Variants in GRK3 observed in about 807,000 individuals in gnomAD.
GRK3 encodes adrenergic, beta, receptor kinase 2.
A neutral mutation model predicts 95.7 loss-of-function variants in GRK3; 54 were observed. The observed-to-expected ratio is 0.56, with a 90% confidence interval of 0.45 to 0.71. The LOEUF (loss-of-function observed/expected upper bound fraction) is 0.71, where lower values mean the gene tolerates loss of function less well. Among genes scored for constraint, GRK3 ranks in the 30% least tolerant of loss-of-function variants. The probability of loss-of-function intolerance (pLI) is 0.00; values close to 1 mark genes in which losing one functional copy is unlikely to be tolerated. For synonymous variants in GRK3, 281 were observed against 290.8 expected (o/e 0.97, Z 0.34); for missense variants, 649 against 851.2 (o/e 0.76, Z 2.96).
intron 15 of GRK3, among the ~76,000 whole-genome samples, chr22:25,706,494 C>T (rs747499827): frequency 3.2e-4 from 48 of 152,266 alleles, no homozygotes; most frequent in East Asian, 7.7e-4. Flanking sequence ...CTCTCTCTCT[C>T]GTGGTGGATT....
intron 1 of GRK3, among the ~76,000 whole-genome samples, chr22:25,577,348 T>C (rs1200736883): frequency 6.6e-6 from 1 of 152,116 alleles, no homozygotes; most frequent in Non-Finnish European, 1.5e-5. Flanking sequence ...AATATTTTTC[T>C]ACTTTTTGTA....
In GRK3 at chr22:25,661,616, T is replaced by G. The variant is rs1441301192; in HGVS notation, c.305T>G (p.Leu102Arg). The G allele has an allele frequency of 4.3e-6, 7 of 1,613,348 alleles. No individual in the cohort carries two copies. Among genetic ancestry groups the G allele is most frequent in the Non-Finnish European group, 5.9e-6 (7 of 1,179,656 alleles). ...AAACTTGATAATGAGGAAGACCGCC[T>G]TTGCAGAAGTCGACAAATTTATGAT... ...YEKLDNEEDR[L>R]CRSRQIYDAY... is the part of the protein sequence containing the mutation. Residue 102 changes from leucine (L) to arginine (R), a missense_variant, in exon 4 of 21, where the codon CTT becomes CGT. Around this residue, in one of 3 missense-constraint regions of GRK3, gnomAD observed 206 missense variants for 231.4 expected, o/e 0.89. Transcript: ENST00000324198.
At chr22:25,576,260 T>TG (rs1174293654) in intron 1 of GRK3, among the ~76,000 whole-genome samples, 1 of 152,290 alleles carries the variant, frequency 6.6e-6, no homozygotes, top group African/African-American at 2.4e-5. Flanking sequence ...CACAGTCGGA[T>TG]GAGTCAGATG....
intron 14 of GRK3, 32 bp from the exon 15 acceptor site, chr22:25,704,077 G>A (rs1164799572): frequency 6.5e-7 from 1 of 1,547,894 alleles, no homozygotes; most frequent in Non-Finnish European, 8.9e-7. Context: ...TTCATGAACG[G>A]ATTTTTGAAA....
intron 2 of GRK3, among the ~76,000 whole-genome samples, chr22:25,625,567 C>T (rs961108310): frequency 2.0e-5 from 3 of 152,136 alleles, no homozygotes; most frequent in Admixed American, 6.5e-5. Flanking sequence ...GTCTCCCTTC[C>T]CCCGGGGAAG....
At chr22:25,716,806 G>T (rs554656428) in intron 18 of GRK3, among the ~76,000 whole-genome samples, 1 of 152,220 alleles carries the variant, frequency 6.6e-6, no homozygotes, top group African/African-American at 2.4e-5. Context: ...GTTAGGAACC[G>T]GGCTGCACAG....
intron 1 of GRK3, among the ~76,000 whole-genome samples, chr22:25,602,878 A>G (rs1174454997): frequency 1.3e-5 from 2 of 152,212 alleles, no homozygotes. Context: ...TAGTAGTTAC[A>G]TAGGTGTATA....
chr22:25,695,119 G>T lies in GRK3; in HGVS notation c.1065G>T (p.Gly355=). 6.2e-7 allele frequency: 1 copy of T among 1,613,794 alleles called. No individual in the cohort carries two copies. Among genetic ancestry groups the T allele is most frequent in the Non-Finnish European group, 8.5e-7 (1 of 1,179,760 alleles). ...TTCTTCTCCCTAGTGGCACCCATGG[G>T]TACATGGCTCCCGAGGTGCTGCAGA... The part of the protein sequence containing the change: ...KKPHASVGTH[G]YMAPEVLQKG... The change falls in exon 13 of 21, where the codon GGG becomes GGT. Residue 355 remains glycine, a synonymous_variant. Coordinates refer to ENST00000324198, the MANE Select transcript of GRK3 (RefSeq NM_005160.4).
At chr22:25,638,168 T>C (rs2084716858) in intron 2 of GRK3, among the ~76,000 whole-genome samples, 2 of 152,194 alleles carry the variant, frequency 1.3e-5, no homozygotes, top group African/African-American at 4.8e-5. Flanking sequence ...ACAACTAGTC[T>C]GCGTACAATG....
chr22:25,605,889 T>C (rs371048580), intron 2 of GRK3, among the ~76,000 whole-genome samples: 2 of 152,316 alleles, frequency 1.3e-5, no homozygotes, highest in South Asian at 4.2e-4. Context: ...TTCTGGTGGT[T>C]GTATGGATCA....
intron 15 of GRK3, among the ~76,000 whole-genome samples, chr22:25,708,119 G>A (rs1377241113): frequency 3.3e-5 from 5 of 152,006 alleles, no homozygotes; most frequent in Admixed American, 2.0e-4. Flanking sequence ...GTGGTGGCAC[G>A]CACCTGTATT....
intron 4 of GRK3, 44 bp from the exon 5 acceptor site, chr22:25,663,586 G>A: frequency 7.7e-7 from 1 of 1,291,818 alleles, no homozygotes; most frequent in East Asian, 2.4e-5. Flanking sequence ...TACACAGATT[G>A]GTTACATTTT....
At position 25,615,303 on chromosome 22, in the gene GRK3, C is replaced by A. The variant is rs375086870; in HGVS notation, c.190+10850C>A. 3.4e-4 allele frequency among the ~76,000 whole-genome samples: 52 copies of A among 152,168 alleles called. No individual in the cohort carries two copies. In the South Asian group the frequency reaches 9.6e-3, roughly 28 times the overall value. The stretch of plus-strand genomic sequence containing the variant: ...AATGCCAAGGACCTATGAAACAGCA[C>A]CTCTGCTGGAAAAGTTCTCTGTAAA... On this transcript the variant is annotated intron_variant, in intron 2 of 20. Coordinates refer to ENST00000324198, the MANE Select transcript of GRK3 (RefSeq NM_005160.4).
intron 1 of GRK3, among the ~76,000 whole-genome samples, chr22:25,577,563 A>G (rs890460172): frequency 6.6e-6 from 1 of 152,212 alleles, no homozygotes; most frequent in African/African-American, 2.4e-5. Context: ...TTGCATATCT[A>G]ACCCCTACCC....
Position 25,672,357 on chromosome 22 carries a change from A to G in GRK3, c.555+10A>G, listed in dbSNP as rs2084990124. 2.1e-6 allele frequency: 3 copies of G among 1,410,314 alleles called. No homozygotes were observed. The highest frequency in any genetic ancestry group is 3.9e-5 in the Admixed American group (2 of 51,770). The allele number at this position is 1,410,314 out of a possible 1,614,324, so 87.4% of individuals were successfully genotyped here. On this transcript the variant is annotated intron_variant, in intron 7 of 20. Transcript: ENST00000324198. ...TGAATTAAATATCCATGTGAGTATCATCTTTTTCTTTTTTCATTTTTTAAA... is the reference window on the plus strand; with the variant it reads ...TGAATTAAATATCCATGTGAGTATCGTCTTTTTCTTTTTTCATTTTTTAAA...
intron 1 of GRK3, among the ~76,000 whole-genome samples, chr22:25,574,338 T>C (rs1336431725): frequency 6.6e-6 from 1 of 151,930 alleles, no homozygotes; most frequent in African/African-American, 2.4e-5. Context: ...TACAGAAAAT[T>C]AGCCAGACAT....
intron 1 of GRK3, among the ~76,000 whole-genome samples, chr22:25,601,730 A>C (rs1402527736): frequency 2.6e-5 from 4 of 152,220 alleles, no homozygotes; most frequent in Non-Finnish European, 4.4e-5. Context: ...GAGAAAAAGA[A>C]AGAAGGAAGT....
chr22:25,650,924 T>G lies in GRK3; in HGVS notation c.264+6259T>G, dbSNP rs1470518378. On this transcript the variant is annotated intron_variant, in intron 3 of 20. Transcript: ENST00000324198. Reference sequence around the variant, plus strand: ...AGTCTACTTAATGGTGGTCATTTTTTCCCCTTTAGAATATATTAAATAGTT... The same window carrying G: ...AGTCTACTTAATGGTGGTCATTTTTGCCCCTTTAGAATATATTAAATAGTT... Among the ~76,000 whole-genome samples, 3 of 152,198 alleles carry G rather than the reference T, an allele frequency of 2.0e-5. No individual in the cohort carries two copies. In the East Asian group the frequency reaches 5.8e-4, roughly 29 times the overall value.
At chr22:25,600,481 C>T (rs1286411810) in intron 1 of GRK3, among the ~76,000 whole-genome samples, 11 of 151,926 alleles carry the variant, frequency 7.2e-5, no homozygotes, top group Admixed American at 7.2e-4. Context: ...AACTACGCCT[C>T]AAAATATTTG....
Sources: gnomAD v4.1 joint callset for allele counts (sites outside exome capture counted in the v4.1 genomes callset) on GRCh38, gnomAD v4.1.1 for gene constraint, gnomAD v4.1.1 regional missense constraint, MANE v1.5 for transcripts, NCBI Gene and HGNC (gene_info 2026-07-23, HGNC 2026-07-21) for gene names.